POC1A: variants seen among roughly 807,000 people sequenced by gnomAD.
The protein encoded by POC1A is POC1 centriolar protein homolog A.
A neutral mutation model predicts 47.8 loss-of-function variants in POC1A; 34 were observed. That is an observed-to-expected ratio of 0.71 (90% CI 0.54 to 0.95). The LOEUF (loss-of-function observed/expected upper bound fraction) is 0.95, where lower values mean the gene tolerates loss of function less well. POC1A is among the 40% of genes least tolerant of loss of function. The pLI is 0.00. For missense variants in POC1A, 466 were observed against 528.3 expected (o/e 0.88, Z 1.16); for synonymous variants, 177 against 207.6 (o/e 0.85, Z 1.27).
At chr3:52,126,210 G>A (rs1417899665) in intron 7 of POC1A, among the ~76,000 whole-genome samples, 2 of 152,238 alleles carry the variant, frequency 1.3e-5, no homozygotes, top group Admixed American at 6.5e-5. Context: ...ATGGGCTCTG[G>A]CAGCACATCT....
intron 9 of POC1A, among the ~76,000 whole-genome samples, chr3:52,102,172 A>C (rs1010923209): frequency 2.0e-4 from 30 of 152,042 alleles, no homozygotes; most frequent in African/African-American, 7.0e-4. Context: ...GATGCCTTTC[A>C]TTATTTTTTG....
chr3:52,082,872 T>A (rs1208111898), intron 10 of POC1A, among the ~76,000 whole-genome samples: 1 of 152,078 alleles, frequency 6.6e-6, no homozygotes, highest in Admixed American at 6.6e-5. Flanking sequence ...ATACCCCCAG[T>A]CTGCACCTCA....
At chr3:52,150,919 G>C in intron 2 of POC1A, 97 bp downstream of exon 2, 2 of 1,084,270 alleles carry the variant, frequency 1.8e-6, no homozygotes, top group South Asian at 2.6e-5. Flanking sequence ...AAGCTGTGCA[G>C]TCCTTGTGCT....
At chr3:52,130,424 A>ATGGC (rs1220380666) in intron 7 of POC1A, among the ~76,000 whole-genome samples, 2 of 152,204 alleles carry the variant, frequency 1.3e-5, no homozygotes, top group Non-Finnish European at 2.9e-5. Context: ...CTGGGCTCTC[A>ATGGC]TGGCTGAGTG....
rs370520423 is a variant in POC1A at position 52,135,335 on chromosome 3, G to C, written c.813+2834C>G. 5.4e-4 allele frequency among the ~76,000 whole-genome samples: 83 copies of C among 152,338 alleles called. 1 individual carries two copies. Among genetic ancestry groups the C allele is most frequent in the African/African-American group, 1.9e-3 (81 of 41,582 alleles). ...CCAAATGCCCAAATTAAGGCTCCTC[G>C]ATTGCACTATGCTCCCTTGGGAAGC... is the stretch of plus-strand genomic sequence containing the variant. On this transcript the variant is annotated intron_variant, in intron 7 of 10. Coordinates refer to ENST00000296484, the MANE Select transcript of POC1A (RefSeq NM_015426.5).
chr3:52,092,176 G>A (rs1414172735), intron 10 of POC1A, among the ~76,000 whole-genome samples: 1 of 152,234 alleles, frequency 6.6e-6, no homozygotes, highest in African/African-American at 2.4e-5. Context: ...GGGCAAGGAG[G>A]GGTCATCCCC....
intron 6 of POC1A, among the ~76,000 whole-genome samples, chr3:52,140,367 C>A (rs752889722): frequency 1.3e-5 from 2 of 152,206 alleles, no homozygotes; most frequent in Non-Finnish European, 2.9e-5. Context: ...GAGACCCCCC[C>A]ACCAGAAAGT....
In POC1A at chr3:52,090,760, T is replaced by C. The variant is rs1702617544; in HGVS notation, c.1125+5809A>G. Among the ~76,000 whole-genome samples the C allele has an allele frequency of 6.6e-6, 1 of 151,970 alleles. No homozygotes were observed. Among genetic ancestry groups the C allele is most frequent in the Non-Finnish European group, 1.5e-5 (1 of 67,984 alleles). On this transcript the variant is annotated intron_variant, in intron 10 of 10. Coordinates refer to ENST00000296484, the MANE Select transcript of POC1A (RefSeq NM_015426.5). This position sits in a 1 kb window ranked among gnomAD's most constrained non-coding sequence, Gnocchi z 4.2. ...CAGGGTCAGGCCCAGGGCCTCTGCTTGCACACCTACTGAGCGCCCATCCCT... is the reference window on the plus strand; with the variant it reads ...CAGGGTCAGGCCCAGGGCCTCTGCTCGCACACCTACTGAGCGCCCATCCCT...
chr3:52,110,896 G>A (rs1703356723), intron 9 of POC1A, among the ~76,000 whole-genome samples: 1 of 152,226 alleles, frequency 6.6e-6, no homozygotes, highest in Admixed American at 6.5e-5. Flanking sequence ...AGGGGAAAAG[G>A]AAAACCCAAA....
chr3:52,081,487 G>C (rs1377156043), intron 10 of POC1A, among the ~76,000 whole-genome samples: 1 of 152,130 alleles, frequency 6.6e-6, no homozygotes, highest in East Asian at 1.9e-4. Flanking sequence ...ATAGACAGTG[G>C]GCTGCACTGC....
chr3:52,123,328 C>T (rs1703865181), intron 8 of POC1A, among the ~76,000 whole-genome samples: 1 of 152,222 alleles, frequency 6.6e-6, no homozygotes, highest in Admixed American at 6.5e-5. Flanking sequence ...GGCTGCTGGC[C>T]ATGCATGACG....
chr3:52,078,547 GTC>G (rs1702188009), intron 10 of POC1A, among the ~76,000 whole-genome samples: 1 of 118,406 alleles, frequency 8.4e-6, no homozygotes, highest in Admixed American at 1.0e-4. Context: ...GTCTCGTTCT[GTC>G]GACCCGGCTG....
intron 10 of POC1A, among the ~76,000 whole-genome samples, chr3:52,087,281 T>C (rs12489539): frequency 0.093 from 14,194 of 152,196 alleles, 1,346 homozygotes; most frequent in East Asian, 0.37. Context: ...GGGGAAGGAA[T>C]GGAGCTCCCC....
chr3:52,126,172 A>G (rs1309510059), intron 7 of POC1A, among the ~76,000 whole-genome samples: 1 of 152,210 alleles, frequency 6.6e-6, no homozygotes, highest in East Asian at 1.9e-4. Flanking sequence ...CAGTGCAGGG[A>G]GCGGCAAGAG....
chr3:52,114,563 T>G (rs573475385), intron 9 of POC1A, among the ~76,000 whole-genome samples: 1 of 152,224 alleles, frequency 6.6e-6, no homozygotes, highest in East Asian at 1.9e-4. Context: ...ATGAGGAGAC[T>G]CCCCCTTGCT....
intron 9 of POC1A, among the ~76,000 whole-genome samples, chr3:52,121,038 A>G (rs1703761698): frequency 6.6e-6 from 1 of 152,240 alleles, no homozygotes; most frequent in Non-Finnish European, 1.5e-5. Context: ...CAGAGGCATC[A>G]GCCTGGTGGG....
chr3:52,094,685 TGCCTCGCTTTATG>T (rs1482760669), intron 10 of POC1A, among the ~76,000 whole-genome samples: 1 of 152,256 alleles, frequency 6.6e-6, no homozygotes, highest in Non-Finnish European at 1.5e-5. Flanking sequence ...GTCAAGAACA[TGCCTCGCTTTATG>T]GCATCCAGAA....
At chr3:52,115,166 G>A (rs1265113566) in intron 9 of POC1A, among the ~76,000 whole-genome samples, 2 of 151,898 alleles carry the variant, frequency 1.3e-5, no homozygotes, top group East Asian at 3.9e-4. Flanking sequence ...TTTTTTAAGA[G>A]ATGGGGGTCT....
At chr3:52,107,010 G>A in intron 9 of POC1A, among the ~76,000 whole-genome samples, 1 of 152,258 alleles carries the variant, frequency 6.6e-6, no homozygotes, top group East Asian at 1.9e-4. Context: ...AAGTTGATCT[G>A]AGAGGTCTAT....
Sources: gnomAD v4.1 joint callset for allele counts (sites outside exome capture counted in the v4.1 genomes callset) on GRCh38, gnomAD v4.1.1 for gene constraint, Gnocchi (gnomAD v3.1) non-coding constraint, MANE v1.5 for transcripts, NCBI Gene and HGNC (gene_info 2026-07-23, HGNC 2026-07-21) for gene names.